LCN2: variants seen among roughly 807,000 people sequenced by gnomAD.
LCN2 encodes lipocalin 2.
LCN2 carries 27 observed loss-of-function variants against 26.4 expected under a neutral mutation model. The observed-to-expected ratio is 1.02, with a 90% CI of 0.76 to 1.41. The LOEUF (loss-of-function observed/expected upper bound fraction) is 1.41. LCN2 is among the 40% of genes most tolerant of loss of function. The pLI is 0.00. For synonymous variants in LCN2, 94 were observed against 98.9 expected, an observed-to-expected ratio of 0.95 and a Z score of 0.30; for missense variants, 224 against 237.6, an observed-to-expected ratio of 0.94 and a Z score of 0.38.
rs560017068 is a variant in LCN2 at position 128,151,239 on chromosome 9, C to T, written c.276-399C>T. Among the ~76,000 whole-genome samples, 6 of 151,986 alleles carry T rather than the reference C, an allele frequency of 3.9e-5. No individual in the cohort carries two copies. The South Asian group carries it at 8.3e-4, about 21-fold the overall frequency. On this transcript the variant is annotated intron_variant, in intron 2 of 6. Transcript: ENST00000277480. ...CTGGCATGGAGCAGACTGGAAGTACCGAGGTGGATCCCCGGGAGAGGGTAT... is the reference window on the plus strand; with the variant it reads ...CTGGCATGGAGCAGACTGGAAGTACTGAGGTGGATCCCCGGGAGAGGGTAT...
intron 2 of LCN2, chr9:128,151,437 G>T (rs1253077270): frequency 1.6e-6 from 1 of 620,958 alleles, no homozygotes; most frequent in South Asian, 1.9e-5. Flanking sequence ...GGACAGCCTG[G>T]TGTCAGCTCA....
Position 128,153,018 on chromosome 9 carries a change from G to C in LCN2, c.578-82G>C. The C allele has an allele frequency of 6.2e-7, 1 of 1,604,636 alleles. No individual in the cohort carries two copies. The highest frequency in any genetic ancestry group is 8.5e-7 in the Non-Finnish European group (1 of 1,172,420). ...TGCCCAGGGGCAGTGCAGAGGACCT[G>C]GCAGTCAGGGATCACACACACACAC... On this transcript the variant is annotated intron_variant, in intron 5 of 6. Transcript: ENST00000277480. The surrounding 1 kb of genome is among the most constrained non-coding windows in gnomAD (Gnocchi z 5.4).
chr9:128,150,035 G>A (rs945242637), intron 1 of LCN2, among the ~76,000 whole-genome samples: 2 of 151,960 alleles, frequency 1.3e-5, no homozygotes, highest in East Asian at 1.9e-4. Context: ...ACTCAGAACC[G>A]CCTCTTCCCC....
rs1834991950 is a variant in LCN2 at position 128,150,222 on chromosome 9, T to A, written c.139-16T>A. 1 of 1,610,324 alleles carries A rather than the reference T, an allele frequency of 6.2e-7. No homozygotes were observed. The highest frequency in any genetic ancestry group is 1.3e-5 in the African/African-American group (1 of 74,852). ...AGGGCCATTCCTGGGTTGTGCCTCTTATCAGTCCCTTGCAGTTCCAGGGGA... is the reference window on the plus strand; with the variant it reads ...AGGGCCATTCCTGGGTTGTGCCTCTAATCAGTCCCTTGCAGTTCCAGGGGA... On this transcript the variant is annotated splice_polypyrimidine_tract_variant and intron_variant, in intron 1 of 6. Coordinates refer to ENST00000277480, the MANE Select transcript of LCN2 (RefSeq NM_005564.5).
Sources: gnomAD v4.1 joint callset for allele counts (sites outside exome capture counted in the v4.1 genomes callset) on GRCh38, gnomAD v4.1.1 for gene constraint, Gnocchi (gnomAD v3.1) non-coding constraint, MANE v1.5 for transcripts, NCBI Gene and HGNC (gene_info 2026-07-23, HGNC 2026-07-21) for gene names.